The following ERICH2 variants were observed in gnomAD, a reference collection of about 807,000 sequenced individuals.
The protein encoded by ERICH2 is glutamate rich 2, also known as glutamate-rich protein 2.
Under a neutral mutation model 17.4 loss-of-function variants are expected in ERICH2, and 17 were observed. The observed-to-expected ratio is 0.98, with a 90% CI of 0.67 to 1.47. ERICH2 has a LOEUF of 1.47. Among genes scored for constraint, ERICH2 ranks in the 40% most tolerant of loss-of-function variants. The pLI, the probability that ERICH2 is intolerant of heterozygous loss-of-function variation, is 0.00. For missense variants in ERICH2, 186 were observed against 183.2 expected (o/e 1.01, Z -0.09); for synonymous variants, 51 against 61.1 (o/e 0.83, Z 0.77).
intron 3 of ERICH2, among the ~76,000 whole-genome samples, chr2:170,796,440 G>GGTTTTT (rs1553569093): frequency 1.2e-5 from 1 of 83,448 alleles, no homozygotes; most frequent in African/African-American, 3.7e-5. Context: ...TTTTTTTTTT[G>GGTTTTT]TTTTTTTTTT....
intron 2 of ERICH2, among the ~76,000 whole-genome samples, chr2:170,789,480 A>G (rs1249018843): frequency 6.6e-6 from 1 of 152,144 alleles, no homozygotes; most frequent in Admixed American, 6.5e-5. Context: ...TGTAGCTTCT[A>G]GCTGGATTTT....
upstream of ERICH2, among the ~76,000 whole-genome samples, chr2:170,783,579 C>G (rs1488480518): frequency 6.6e-6 from 1 of 152,036 alleles, no homozygotes; most frequent in Non-Finnish European, 1.5e-5. Flanking sequence ...AATAAAAACA[C>G]AAACACATAA....
At chr2:170,779,484 A>G (rs1422527850), upstream of ERICH2, among the ~76,000 whole-genome samples, 1 of 152,222 alleles carries the variant, frequency 6.6e-6, no homozygotes, top group Non-Finnish European at 1.5e-5. Flanking sequence ...TAGAAATCCT[A>G]TGTGGGAAAG....
At chr2:170,772,977 T>G in the ERICH2 span, among the ~76,000 whole-genome samples, 1 of 152,284 alleles carries the variant, frequency 6.6e-6, no homozygotes, top group Non-Finnish European at 1.5e-5. Flanking sequence ...AATCTGAATT[T>G]TAAATGTTGG....
intron 4 of ERICH2, among the ~76,000 whole-genome samples, chr2:170,798,376 A>G (rs1368285392): frequency 6.6e-6 from 1 of 152,118 alleles, no homozygotes; most frequent in Non-Finnish European, 1.5e-5. Context: ...ATATGCTAAC[A>G]CGGCTGCGTG....
At chr2:170,794,621 T>C (rs184039493) in intron 3 of ERICH2, among the ~76,000 whole-genome samples, 37 of 152,350 alleles carry the variant, frequency 2.4e-4, no homozygotes, top group South Asian at 2.1e-4. Context: ...TATGCATCTT[T>C]TTCTTCTAAC....
intron 3 of ERICH2, among the ~76,000 whole-genome samples, chr2:170,793,895 T>A (rs1214114521): frequency 1.3e-5 from 2 of 152,204 alleles, no homozygotes; most frequent in South Asian, 2.1e-4. Context: ...TTGATGTTTC[T>A]ATCAGCTTTG....
At chr2:170,771,542 C>T in the ERICH2 span, 1 of 152,204 alleles carries the variant, frequency 6.6e-6, no homozygotes, top group Non-Finnish European at 1.5e-5. The surrounding 1 kb of genome is among the most constrained non-coding windows in gnomAD (Gnocchi z 4.8). Flanking sequence ...ACTCCTTCCC[C>T]GCAAATAACG....
chr2:170,791,213 A>G (rs563482929), intron 2 of ERICH2, among the ~76,000 whole-genome samples: 4 of 152,308 alleles, frequency 2.6e-5, no homozygotes, highest in African/African-American at 9.6e-5. Context: ...CATGTTTAAG[A>G]CCATACCATG....
At chr2:170,795,510 G>A (rs990634253) in intron 3 of ERICH2, among the ~76,000 whole-genome samples, 2 of 151,996 alleles carry the variant, frequency 1.3e-5, no homozygotes, top group African/African-American at 4.8e-5. Context: ...ACCATGCCCA[G>A]GTAATTTTTG....
intron 4 of ERICH2, 83 bp downstream of exon 9, chr2:170,798,195 G>A (rs541320887): frequency 6.7e-5 from 62 of 928,784 alleles, no homozygotes; most frequent in Admixed American, 1.0e-4. Flanking sequence ...GGAGATTGTC[G>A]ATACATCTTT....
chr2:170,797,601 T>C (rs201285827), intron 3 of ERICH2, among the ~76,000 whole-genome samples: 2 of 151,968 alleles, frequency 1.3e-5, no homozygotes, highest in South Asian at 4.2e-4. Context: ...AGTTTGAGAC[T>C]AGCCTGGGCA....
chr2:170,777,701 G>A, the ERICH2 span: 8 of 1,230,044 alleles, frequency 6.5e-6, no homozygotes, highest in East Asian at 1.6e-4. Context: ...GTCTTTGATT[G>A]TGCAGCTGAT....
chr2:170,791,323 G>C (rs1004218281), intron 2 of ERICH2, among the ~76,000 whole-genome samples: 1 of 152,106 alleles, frequency 6.6e-6, no homozygotes, highest in Non-Finnish European at 1.5e-5. Context: ...AGGGGGTTAA[G>C]ATAATGTCAA....
At chr2:170,793,799 G>T (rs1367177573) in intron 3 of ERICH2, among the ~76,000 whole-genome samples, 1 of 152,152 alleles carries the variant, frequency 6.6e-6, no homozygotes, top group Admixed American at 6.5e-5. Context: ...GTTTTTAATG[G>T]TTTGACTTGA....
intron 3 of ERICH2, among the ~76,000 whole-genome samples, chr2:170,794,105 C>CTTTTTTTTTTTTTTTTTTTTTTTT (rs59152667): frequency 3.4e-5 from 3 of 88,168 alleles, no homozygotes; most frequent in Non-Finnish European, 4.2e-5. Flanking sequence ...TCCTTTCTTT[C>CTTTTTTTTTTTTTTTTTTTTTTTT]TTTTTTTTTT....
chr2:170,773,581 C>T, the ERICH2 span, among the ~76,000 whole-genome samples: 11 of 152,296 alleles, frequency 7.2e-5, no homozygotes, highest in South Asian at 2.1e-4. Flanking sequence ...TGCTCTGTGA[C>T]ATACATATAA....
intron 2 of ERICH2, among the ~76,000 whole-genome samples, chr2:170,789,323 C>A (rs759115438): frequency 1.3e-5 from 2 of 152,082 alleles, no homozygotes; most frequent in African/African-American, 2.4e-5. Flanking sequence ...TGAAACTTCA[C>A]CCGTAAATAC....
chr2:170,774,458 G>T, the ERICH2 span, among the ~76,000 whole-genome samples: 1 of 152,036 alleles, frequency 6.6e-6, no homozygotes, highest in Non-Finnish European at 1.5e-5. Context: ...CCATTTTTCA[G>T]ATGGAAGAAT....
Sources: gnomAD v4.1 joint callset for allele counts (sites outside exome capture counted in the v4.1 genomes callset) on GRCh38, gnomAD v4.1.1 for gene constraint, Gnocchi (gnomAD v3.1) non-coding constraint, MANE v1.5 for transcripts, NCBI Gene and HGNC (gene_info 2026-07-23, HGNC 2026-07-21) for gene names.